Variants in USP34 observed in about 807,000 individuals in gnomAD.
USP34 encodes the protein ubiquitin carboxyl-terminal hydrolase 34.
USP34 carries 70 observed loss-of-function variants against 460.3 expected under a neutral mutation model. The ratio of observed to expected loss-of-function variants is 0.15; its 90% CI spans 0.13 to 0.19. The LOEUF is 0.19. USP34 is among the 10% of genes least tolerant of loss of function. USP34 has a pLI of 1.00. For missense variants in USP34, 3,985 were observed against 4,236.2 expected (o/e 0.94, Z 1.65); for synonymous variants, 1,647 against 1,405.3 (o/e 1.17, Z -3.85).
At chr2:61,360,763 C>A (rs1383012063) in intron 10 of USP34, among the ~76,000 whole-genome samples, 1 of 152,140 alleles carries the variant, frequency 6.6e-6, no homozygotes, top group Non-Finnish European at 1.5e-5. Context: ...CTCAAGCAAT[C>A]CTCCACCTCA....
chr2:61,248,214 A>C (rs1453571980), intron 49 of USP34, among the ~76,000 whole-genome samples: 1 of 150,876 alleles, frequency 6.6e-6, no homozygotes, highest in Non-Finnish European at 1.5e-5. Flanking sequence ...AAACCCCCAC[A>C]AAAAACAACA....
chr2:61,350,714 G>C (rs1299607250), intron 10 of USP34, 21 bp from the exon 11 acceptor site: 1 of 1,601,078 alleles, frequency 6.2e-7, no homozygotes, highest in Non-Finnish European at 8.5e-7. Flanking sequence ...AAGTTAGAGA[G>C]AATGGTCAAA....
At position 61,376,797 on chromosome 2, in the gene USP34, G is replaced by A. The variant is rs547768242; in HGVS notation, c.1076+1566C>T. ...CAAATAGCTGGAATCACAGGCATGC[G>A]CCACCACACCTAATTTTTGTATTTA... On this transcript the variant is annotated intron_variant, in intron 8 of 79. Coordinates refer to ENST00000398571, the MANE Select transcript of USP34 (RefSeq NM_014709.4). 3.3e-5 allele frequency among the ~76,000 whole-genome samples: 5 copies of A among 152,188 alleles called. No individual in the cohort carries two copies. In the South Asian group the frequency reaches 6.2e-4, roughly 19 times the overall value.
chr2:61,295,345 GAA>G, intron 30 of USP34, 55 bp from the exon 31 acceptor site: 5 of 1,520,200 alleles, frequency 3.3e-6, no homozygotes, highest in Non-Finnish European at 4.4e-6. Flanking sequence ...ACACAAAAAA[GAA>G]AAACTTTAAA....
chr2:61,452,542 C>T (rs915074546), intron 1 of USP34, among the ~76,000 whole-genome samples: 3 of 151,828 alleles, frequency 2.0e-5, no homozygotes, highest in African/African-American at 7.3e-5. Context: ...TCAGGCTGGT[C>T]TCCTGACCTC....
intron 2 of USP34, among the ~76,000 whole-genome samples, chr2:61,406,663 T>TC (rs1341379348): frequency 7.2e-5 from 10 of 138,422 alleles, no homozygotes; most frequent in East Asian, 2.1e-4. Context: ...TCTCTCTCTC[T>TC]CCCCCCCAAG....
At position 61,317,541 on chromosome 2, in the gene USP34, T is replaced by C. The variant is rs1470662884; in HGVS notation, c.3282+113A>G. ...GACTCCATCTCAAAACAAACCCAACTGCACTGCACAGGTAGTAAATTCTAT... is the reference window on the plus strand; with the variant it reads ...GACTCCATCTCAAAACAAACCCAACCGCACTGCACAGGTAGTAAATTCTAT... On this transcript the variant is annotated intron_variant, in intron 23 of 79. Transcript: ENST00000398571. 4 of 862,322 alleles carry C rather than the reference T, an allele frequency of 4.6e-6. No homozygotes were observed. The African/African-American group carries it at 5.1e-5, about 11-fold the overall frequency. The allele number at this position is 862,322 out of a possible 1,614,324, so 53.4% of individuals were successfully genotyped here.
intron 10 of USP34, among the ~76,000 whole-genome samples, chr2:61,355,686 G>T (rs542902343): frequency 4.6e-5 from 7 of 152,132 alleles, no homozygotes; most frequent in African/African-American, 1.7e-4. Flanking sequence ...GGCAGTAATG[G>T]AAGAAATGAG....
chr2:61,224,400 C>T (rs1374293299), intron 62 of USP34, among the ~76,000 whole-genome samples: 1 of 152,094 alleles, frequency 6.6e-6, no homozygotes, highest in Non-Finnish European at 1.5e-5. Flanking sequence ...CTAGGTTTGA[C>T]TTTTTAATTA....
chr2:61,416,926 GCGACATA>G, intron 2 of USP34: 1 of 1,132,618 alleles, frequency 8.8e-7, no homozygotes. Flanking sequence ...GCCATGAATG[GCGACATA>G]CTTGACCCCA....
chr2:61,246,643 A>C (rs1688424418), intron 49 of USP34, among the ~76,000 whole-genome samples, 166 bp from the exon 50 acceptor site: 1 of 152,156 alleles, frequency 6.6e-6, no homozygotes, highest in Non-Finnish European at 1.5e-5. Context: ...TTTTATAATA[A>C]ACTTTATTTA....
intron 27 of USP34, among the ~76,000 whole-genome samples, chr2:61,304,201 T>G (rs1406625721): frequency 1.3e-5 from 2 of 152,128 alleles, no homozygotes; most frequent in Non-Finnish European, 2.9e-5. Context: ...TGGCAATATT[T>G]TGGTAGATTT....
intron 1 of USP34, among the ~76,000 whole-genome samples, chr2:61,451,725 T>G (rs1392672094): frequency 6.6e-6 from 1 of 151,520 alleles, no homozygotes; most frequent in Non-Finnish European, 1.5e-5. Flanking sequence ...AGACCTGGCA[T>G]TTCAAATCAA....
At chr2:61,438,935 A>C (rs1558594951) in intron 1 of USP34, among the ~76,000 whole-genome samples, 1 of 152,184 alleles carries the variant, frequency 6.6e-6, no homozygotes, top group Admixed American at 6.5e-5. Context: ...CTCCACTAAA[A>C]ACACACACCT....
At chr2:61,265,595 C>A (rs755507730) in intron 42 of USP34, 38 bp from the exon 43 acceptor site, 40 of 1,568,510 alleles carry the variant, frequency 2.6e-5, no homozygotes, top group Non-Finnish European at 3.5e-5. Context: ...CCCCCCCAAA[C>A]AAACTATGAA....
chr2:61,397,063 C>G (rs1034602099), intron 3 of USP34, among the ~76,000 whole-genome samples: 2 of 152,074 alleles, frequency 1.3e-5, no homozygotes, highest in Non-Finnish European at 2.9e-5. Flanking sequence ...TTGGAAATAT[C>G]TCAACTTTTT....
At chr2:61,265,325 A>T in intron 43 of USP34, 72 bp downstream of exon 43, 1 of 1,493,000 alleles carries the variant, frequency 6.7e-7, no homozygotes, top group Non-Finnish European at 9.0e-7. Context: ...TACTACATTG[A>T]AATAAAAATT....
chr2:61,425,884 TGAG>T, intron 1 of USP34, among the ~76,000 whole-genome samples: 1 of 151,780 alleles, frequency 6.6e-6, no homozygotes, highest in South Asian at 2.1e-4. Flanking sequence ...TCCTTCTGTT[TGAG>T]GAGAGAAGGA....
chr2:61,359,779 GTT>G (rs35258583), intron 10 of USP34, among the ~76,000 whole-genome samples: 61 of 86,862 alleles, frequency 7.0e-4, no homozygotes, highest in East Asian at 2.9e-3. Flanking sequence ...GCCCACAGTT[GTT>G]TTTTTTTTTT....
Sources: allele counts gnomAD v4.1 joint callset (sites outside exome capture counted in the v4.1 genomes callset), GRCh38; gene constraint gnomAD v4.1.1; transcripts MANE v1.5; gene names NCBI Gene and HGNC (gene_info 2026-07-23, HGNC 2026-07-21).